STT3B: variants seen among roughly 807,000 people sequenced by gnomAD.
STT3B encodes the protein dolichyl-diphosphooligosaccharide--protein glycosyltransferase subunit STT3B.
Under a neutral mutation model 96.8 loss-of-function variants are expected in STT3B, and 29 were observed. The ratio of observed to expected loss-of-function variants is 0.30; its 90% confidence interval spans 0.22 to 0.41. STT3B has a LOEUF of 0.41. STT3B is among the 10% of genes least tolerant of loss of function. The pLI, the probability that STT3B is intolerant of heterozygous loss-of-function variation, is 1.00. For synonymous variants in STT3B, 367 were observed against 360.0 expected, an observed-to-expected ratio of 1.02 and a Z score of -0.22; for missense variants, 640 against 1,022.3, an observed-to-expected ratio of 0.63 and a Z score of 5.10.
intron 1 of STT3B, among the ~76,000 whole-genome samples, chr3:31,570,226 T>C (rs1049184987): frequency 4.6e-5 from 7 of 152,226 alleles, no homozygotes; most frequent in Non-Finnish European, 7.3e-5. Context: ...GATACTAGTA[T>C]GCTAAAAAGG....
At position 31,636,380 on chromosome 3, in the gene STT3B, C is replaced by G. The variant is rs900124671; in HGVS notation, c.*316C>G. 2.9e-5 allele frequency: 6 copies of G among 207,054 alleles called. No homozygotes were observed. Among genetic ancestry groups the G allele is most frequent in the African/African-American group, 1.4e-4 (6 of 43,734 alleles). 12.8% of individuals were successfully genotyped at this position (207,054 alleles called of 1,614,324 possible). A position where few individuals can be genotyped will look rare whatever the true frequency, so the allele number is the denominator to read the frequency against. ...GCACCAAAGAACCCTCTAATTTGGT[C>G]CCTGGCACATGCATACTTGTCAATG... On this transcript the variant is annotated 3_prime_UTR_variant, in exon 16 of 16. Transcript: ENST00000295770.
chr3:31,579,643 A>G, intron 2 of STT3B, among the ~76,000 whole-genome samples, 166 bp from the exon 3 acceptor site: 1 of 151,958 alleles, frequency 6.6e-6, no homozygotes, highest in South Asian at 2.1e-4. Context: ...TGCAACACAA[A>G]AAGGTGTGGG....
At chr3:31,617,185 T>TC in intron 7 of STT3B, 110 bp downstream of exon 7, 1 of 796,664 alleles carries the variant, frequency 1.3e-6, no homozygotes, top group Non-Finnish European at 1.7e-6. Context: ...GTGATTTTTT[T>TC]CTTTTTTTTT....
intron 8 of STT3B, 46 bp downstream of exon 8, chr3:31,618,034 C>T: frequency 7.8e-7 from 1 of 1,286,228 alleles, no homozygotes; most frequent in African/African-American, 1.5e-5. Context: ...TGAAATACTG[C>T]TTTTCCTTTG....
intron 1 of STT3B, among the ~76,000 whole-genome samples, chr3:31,558,455 G>A (rs1363227319): frequency 1.3e-5 from 2 of 152,086 alleles, no homozygotes; most frequent in Non-Finnish European, 2.9e-5. Context: ...TGATCATAGG[G>A]TTTTTGTCTT....
At chr3:31,569,133 C>T (rs1473389636) in intron 1 of STT3B, among the ~76,000 whole-genome samples, 3 of 152,076 alleles carry the variant, frequency 2.0e-5, no homozygotes, top group African/African-American at 7.2e-5. Flanking sequence ...CCTTAGCCTC[C>T]TGAGTTGTTG....
intron 1 of STT3B, among the ~76,000 whole-genome samples, chr3:31,542,086 C>A (rs1423604996): frequency 6.6e-6 from 1 of 152,032 alleles, no homozygotes; most frequent in Admixed American, 6.5e-5. Context: ...TACTAATTGT[C>A]CAGAGATTTA....
intron 1 of STT3B, among the ~76,000 whole-genome samples, chr3:31,553,241 G>C (rs1697615396): frequency 6.6e-6 from 1 of 152,098 alleles, no homozygotes; most frequent in African/African-American, 2.4e-5. Context: ...TATAACTTTG[G>C]AGTGGAATTG....
chr3:31,624,133 A>T (rs1447584196), intron 11 of STT3B, among the ~76,000 whole-genome samples: 3 of 152,132 alleles, frequency 2.0e-5, no homozygotes, highest in Non-Finnish European at 4.4e-5. Context: ...ACAAACGATC[A>T]AGTTACACTC....
At chr3:31,608,265 T>C (rs1699101512) in intron 5 of STT3B, among the ~76,000 whole-genome samples, 1 of 152,206 alleles carries the variant, frequency 6.6e-6, no homozygotes, top group Non-Finnish European at 1.5e-5. Flanking sequence ...TCAGTGTTGA[T>C]TACATAAAGT....
intron 15 of STT3B, among the ~76,000 whole-genome samples, chr3:31,634,222 T>C (rs1258377699): frequency 1.3e-5 from 2 of 152,178 alleles, no homozygotes; most frequent in Non-Finnish European, 2.9e-5. Flanking sequence ...CAGATGATTG[T>C]CACAGGCATG....
In STT3B at chr3:31,603,994, G is replaced by A. The variant is rs575406834; in HGVS notation, c.877+3535G>A. On this transcript the variant is annotated intron_variant, in intron 5 of 15. Transcript: ENST00000295770. ...CTTGGTTTTTAGTTTATAGAAATAG[G>A]AATTGTACCTCAAGGGCTGCATTAA... 3.9e-5 allele frequency among the ~76,000 whole-genome samples: 6 copies of A among 152,132 alleles called. No homozygotes were observed. In the South Asian group the frequency reaches 1.2e-3, roughly 32 times the overall value.
intron 1 of STT3B, among the ~76,000 whole-genome samples, chr3:31,541,575 T>TTTTG (rs371554304): frequency 1.2e-4 from 18 of 151,930 alleles, no homozygotes; most frequent in African/African-American, 4.1e-4. Context: ...GCAATAATTT[T>TTTTG]TTTGTTTGTT....
At chr3:31,533,572 A>G (rs982926737) in intron 1 of STT3B, 5 of 300,198 alleles carry the variant, frequency 1.7e-5, no homozygotes, top group African/African-American at 4.4e-5. Flanking sequence ...GAAGACTGCC[A>G]GGAGTGTGGA....
rs1360281230 is a variant in STT3B, at chr3:31,622,257, G to A, written c.1488G>A (p.Glu496=). The change falls in exon 10 of 16, where the codon GAG becomes GAA. Residue 496 remains glutamate (E), a synonymous_variant. Transcript: ENST00000295770. ...TGAAAAGGGAAAATCCACCTGTGGA[G>A]GACAGCAGTGATGAGGATGACAAAA... is the stretch of plus-strand genomic sequence containing the variant. ...DDMKRENPPV[E]DSSDEDDKRN... is the part of the protein sequence containing the mutation. 6.2e-7 allele frequency: 1 copy of A among 1,614,154 alleles called. No homozygotes were observed. The highest frequency in any genetic ancestry group is 2.2e-5 in the East Asian group (1 of 44,874).
At chr3:31,554,254 GTGAATCCCTTCC>G (rs1351866715) in intron 1 of STT3B, among the ~76,000 whole-genome samples, 1 of 152,048 alleles carries the variant, frequency 6.6e-6, no homozygotes, top group African/African-American at 2.4e-5. Flanking sequence ...TTGTTTTCTT[GTGAATCCCTTCC>G]TGCCAGTTCT....
At chr3:31,614,343 T>G (rs1699255371) in intron 5 of STT3B, among the ~76,000 whole-genome samples, 1 of 152,006 alleles carries the variant, frequency 6.6e-6, no homozygotes, top group African/African-American at 2.4e-5. Flanking sequence ...AAATACTTTC[T>G]CTCTAATCAA....
At chr3:31,635,802 T>C (rs1699744687) in intron 15 of STT3B, among the ~76,000 whole-genome samples, 182 bp from the exon 16 acceptor site, 1 of 152,196 alleles carries the variant, frequency 6.6e-6, no homozygotes, top group African/African-American at 2.4e-5. Context: ...TGTGTTAGTG[T>C]ACTCAGGTAA....
chr3:31,559,085 T>G (rs1255787221), intron 1 of STT3B, among the ~76,000 whole-genome samples: 3 of 150,942 alleles, frequency 2.0e-5, no homozygotes, highest in East Asian at 1.9e-4. Context: ...CTTATTGGTT[T>G]TTTTTTTTTT....
Sources: allele counts gnomAD v4.1 joint callset (sites outside exome capture counted in the v4.1 genomes callset), GRCh38; gene constraint gnomAD v4.1.1; transcripts MANE v1.5; gene names NCBI Gene and HGNC (gene_info 2026-07-23, HGNC 2026-07-21).